Variants in SLC38A11 observed in about 807,000 individuals in gnomAD.
SLC38A11 encodes the protein putative sodium-coupled neutral amino acid transporter 11.
SLC38A11 carries 51 observed loss-of-function variants against 49.4 expected under a neutral mutation model. That is an observed-to-expected ratio of 1.03 (90% CI 0.83 to 1.30). The LOEUF is 1.30. Among genes scored for constraint, SLC38A11 ranks in the 50% most tolerant of loss-of-function variants. The pLI, the probability that SLC38A11 is intolerant of heterozygous loss-of-function variation, is 0.00. For missense variants in SLC38A11, 574 were observed against 556.2 expected (o/e 1.03, Z -0.32); for synonymous variants, 203 against 192.9 (o/e 1.05, Z -0.43).
intron 7 of SLC38A11, among the ~76,000 whole-genome samples, chr2:164,920,486 A>G (rs945301964): frequency 7.9e-5 from 12 of 152,164 alleles, no homozygotes; most frequent in Non-Finnish European, 1.6e-4. Context: ...AAATGCTACT[A>G]AAGAAATTTA....
Position 164,895,981 on chromosome 2 carries a change from C to T in SLC38A11, c.*2456G>A, listed in dbSNP as rs1196852807. Among the ~76,000 whole-genome samples the T allele has an allele frequency of 2.0e-5, 3 of 152,110 alleles. No homozygotes were observed. Among genetic ancestry groups the T allele is most frequent in the African/African-American group, 7.2e-5 (3 of 41,422 alleles). ...ACCACCTTTTTAAAGTTAAGAAGTG[C>T]TTTATACATTTAAGTGTATTGACAG... On this transcript the variant is annotated 3_prime_UTR_variant, in exon 12 of 12. Coordinates refer to ENST00000685975, the MANE Select transcript of SLC38A11 (RefSeq NM_001351537.2).
In SLC38A11 at chr2:164,928,780, A is replaced by G. The variant is rs569509819; in HGVS notation, c.617+8570T>C. 3.9e-5 allele frequency among the ~76,000 whole-genome samples: 6 copies of G among 152,224 alleles called. No individual in the cohort carries two copies. In the South Asian group the frequency reaches 1.2e-3, roughly 32 times the overall value. On this transcript the variant is annotated intron_variant, in intron 7 of 11. Transcript: ENST00000685975. ...AATCATCTCATCTTTGAAAAAATAT[A>G]GGTTATCAGGCATGAATACTCAAAT...
At chr2:164,925,980 T>G (rs1201668057) in intron 7 of SLC38A11, among the ~76,000 whole-genome samples, 1 of 152,176 alleles carries the variant, frequency 6.6e-6, no homozygotes, top group Non-Finnish European at 1.5e-5. Flanking sequence ...CCTTAGTGCC[T>G]TCATTCAATC....
Position 164,898,456 on chromosome 2 carries a change from T to A in SLC38A11, c.1370A>T (p.Asn457Ile), listed in dbSNP as rs1684441677. The change falls in exon 12 of 12, where the codon AAT becomes ATT. Residue 457 changes from asparagine to isoleucine, a missense_variant. By Grantham distance (149) the Asn-to-Ile change is moderately radical (BLOSUM62 -3). Coordinates refer to ENST00000685975, the MANE Select transcript of SLC38A11 (RefSeq NM_001351537.2). ...GTCAACTCATTGAAAGATACTAATA[T>A]TTAAAGTAGAAAGTTGTGTTGTCTG... ...VQQTTQLSTL[N>I]ISIFQ 1 of 1,611,572 alleles carries A rather than the reference T, an allele frequency of 6.2e-7. No individual in the cohort carries two copies. The highest frequency in any genetic ancestry group is 1.3e-5 in the African/African-American group (1 of 74,824).
chr2:164,942,392 C>T (rs1205086356), intron 5 of SLC38A11, among the ~76,000 whole-genome samples: 3 of 140,688 alleles, frequency 2.1e-5, no homozygotes, highest in Admixed American at 7.4e-5. Context: ...CCAATTATGC[C>T]ACTGCACTCT....
rs1684428534 is a variant in SLC38A11, at chr2:164,898,173, A to T, written c.*264T>A. On this transcript the variant is annotated 3_prime_UTR_variant, in exon 12 of 12. Coordinates refer to ENST00000685975, the MANE Select transcript of SLC38A11 (RefSeq NM_001351537.2). ...ATTAAATAAAAGGGGGATGGCAGAA[A>T]ATGCTAAAGGCTTAACTCTCCCTTC... 3.8e-6 allele frequency: 1 copy of T among 265,294 alleles called. No homozygotes were observed. The highest frequency in any genetic ancestry group is 2.2e-5 in the African/African-American group (1 of 44,664). 16.4% of individuals were successfully genotyped at this position (265,294 alleles called of 1,614,324 possible). A position where few individuals can be genotyped will look rare whatever the true frequency, so the allele number is the denominator to read the frequency against.
At chr2:164,927,327 TCTGTGGTATTTTGTTA>T (rs1686671517) in intron 7 of SLC38A11, among the ~76,000 whole-genome samples, 1 of 152,118 alleles carries the variant, frequency 6.6e-6, no homozygotes, top group Non-Finnish European at 1.5e-5. Context: ...AATTACCCAG[TCTGTGGTATTTTGTTA>T]CTGTAGCATA....
At chr2:164,952,852 A>G (rs1688618049) in intron 2 of SLC38A11, 71 bp from the exon 3 acceptor site, 1 of 1,113,464 alleles carries the variant, frequency 9.0e-7, no homozygotes, top group East Asian at 2.4e-5. Context: ...TCCCCCCTTC[A>G]ATTTCTGCAT....
chr2:164,915,306 C>T, intron 8 of SLC38A11, 33 bp from the exon 9 acceptor site: 1 of 1,559,302 alleles, frequency 6.4e-7, no homozygotes, highest in Non-Finnish European at 8.6e-7. Flanking sequence ...ATTATTAAAT[C>T]AAGCACCAGG....
At chr2:164,929,840 A>T (rs1345228174) in intron 7 of SLC38A11, among the ~76,000 whole-genome samples, 2 of 152,086 alleles carry the variant, frequency 1.3e-5, no homozygotes, top group African/African-American at 4.8e-5. Flanking sequence ...TTAACAACCA[A>T]ACATTACAAG....
chr2:164,953,171 A>C (rs1688637139), intron 2 of SLC38A11: 1 of 191,152 alleles, frequency 5.2e-6, no homozygotes, highest in African/African-American at 2.4e-5. Context: ...AGAGGATAAT[A>C]AGGAGCACAG....
chr2:164,901,315 A>G, intron 11 of SLC38A11, among the ~76,000 whole-genome samples: 1 of 151,966 alleles, frequency 6.6e-6, no homozygotes, highest in Non-Finnish European at 1.5e-5. Flanking sequence ...TTTTGATAGG[A>G]ATTATGTTGA....
intron 11 of SLC38A11, among the ~76,000 whole-genome samples, chr2:164,904,053 G>A (rs2105446144): frequency 6.6e-6 from 1 of 152,224 alleles, no homozygotes; most frequent in Non-Finnish European, 1.5e-5. Context: ...TTGGCAACTG[G>A]GATTATGGCT....
At chr2:164,901,330 G>A (rs1372246866) in intron 11 of SLC38A11, among the ~76,000 whole-genome samples, 1 of 151,992 alleles carries the variant, frequency 6.6e-6, no homozygotes, top group Non-Finnish European at 1.5e-5. Context: ...TGTTGAATTT[G>A]TATATTGCTT....
At chr2:164,905,946 A>C (rs1188867758) in intron 11 of SLC38A11, among the ~76,000 whole-genome samples, 2 of 152,178 alleles carry the variant, frequency 1.3e-5, no homozygotes, top group Non-Finnish European at 2.9e-5. Flanking sequence ...ATATAAGTAT[A>C]ATAGAGAATA....
At chr2:164,921,016 GA>G (rs542272676) in intron 7 of SLC38A11, among the ~76,000 whole-genome samples, 10 of 144,892 alleles carry the variant, frequency 6.9e-5, no homozygotes, top group African/African-American at 1.5e-4. Context: ...TAATTGTAGA[GA>G]AAAAAAAAAG....
At chr2:164,944,909 A>G (rs866373447) in intron 4 of SLC38A11, among the ~76,000 whole-genome samples, 5 of 152,188 alleles carry the variant, frequency 3.3e-5, no homozygotes, top group South Asian at 2.1e-4. Context: ...TAAAAATGCA[A>G]TTTATTTTGT....
intron 6 of SLC38A11, chr2:164,937,711 A>C (rs1023714390): frequency 4.3e-6 from 1 of 232,642 alleles, no homozygotes; most frequent in African/African-American, 2.3e-5. Context: ...TGGCTCCTGC[A>C]TGGAATACAA....
rs973186924 is a variant in SLC38A11 at position 164,940,256 on chromosome 2, A to C, written c.431-700T>G. Among the ~76,000 whole-genome samples, 6 of 138,412 alleles carry C rather than the reference A, an allele frequency of 4.3e-5. No homozygotes were observed. In the East Asian group the frequency reaches 8.3e-4, roughly 19 times the overall value. 90.8% of individuals were successfully genotyped at this position (138,412 alleles called of 152,430 possible). ...TATATATATATATATATATATATAT[A>C]TCACATATATAATTATATGTGTTGT... On this transcript the variant is annotated intron_variant, in intron 5 of 11. Transcript: ENST00000685975.
Sources: allele counts gnomAD v4.1 joint callset (sites outside exome capture counted in the v4.1 genomes callset), GRCh38; gene constraint gnomAD v4.1.1; transcripts MANE v1.5; gene names NCBI Gene and HGNC (gene_info 2026-07-23, HGNC 2026-07-21).